Variants in SRPK2 observed in about 807,000 individuals in gnomAD.
SRPK2 encodes SFRS protein kinase 2.
SRPK2 carries 21 observed loss-of-function variants against 90.8 expected under a neutral mutation model. That is an observed-to-expected ratio of 0.23 (90% CI 0.16 to 0.33). SRPK2 has a LOEUF of 0.33. Ranked by LOEUF, SRPK2 falls within the 10% of genes least tolerant of loss-of-function variation. The probability of loss-of-function intolerance (pLI) is 1.00; values close to 1 mark genes in which losing one functional copy is unlikely to be tolerated. For missense variants in SRPK2, 620 were observed against 869.0 expected (o/e 0.71, Z 3.60); for synonymous variants, 288 against 311.1 (o/e 0.93, Z 0.78).
intron 2 of SRPK2, among the ~76,000 whole-genome samples, chr7:105,334,245 C>T (rs148561837): frequency 0.012 from 1,838 of 152,276 alleles, 27 homozygotes; most frequent in African/African-American, 0.04. Flanking sequence ...CCATGCCTCG[C>T]TAATGTTTGT....
At chr7:105,183,485 T>C (rs145812601) in intron 3 of SRPK2, among the ~76,000 whole-genome samples, 44 of 152,214 alleles carry the variant, frequency 2.9e-4, no homozygotes, top group Non-Finnish European at 5.6e-4. Flanking sequence ...GTTTGTTTGT[T>C]TGTCTATTTT....
chr7:105,297,638 T>G, intron 2 of SRPK2: 4 of 240,260 alleles, frequency 1.7e-5, no homozygotes, highest in Non-Finnish European at 2.7e-5. Flanking sequence ...GCAAGTTCTC[T>G]TCCCCAAACC....
intron 3 of SRPK2, among the ~76,000 whole-genome samples, chr7:105,183,278 C>T (rs772307738): frequency 1.3e-5 from 2 of 152,124 alleles, no homozygotes; most frequent in Non-Finnish European, 1.5e-5. Context: ...TAAGAGCTCA[C>T]AATGCAAAGT....
chr7:105,142,386 T>C lies in SRPK2; in HGVS notation c.1165A>G (p.Ile389Val), dbSNP rs760947241. The change falls in exon 11 of 16, where the codon ATA becomes GTA. Residue 389 changes from isoleucine (I) to valine (V), a missense_variant. Around this residue, in one of 8 missense-constraint regions of SRPK2, gnomAD observed 243 missense variants for 245.7 expected, o/e 0.99. Coordinates refer to ENST00000393651, the MANE Select transcript of SRPK2 (RefSeq NM_182692.3). ...QELANIDPTW[I>V]ESPKTNGHIE... ...TGGCCATTGGTTTTAGGTGATTCTA[T>C]CCACGTAGGGTCTATGTTCGCAAGT... The C allele has an allele frequency of 3.1e-6, 5 of 1,614,060 alleles. No individual in the cohort carries two copies. In the African/African-American group the frequency reaches 5.3e-5, roughly 17 times the overall value.
At chr7:105,181,505 C>T (rs1227473748) in intron 3 of SRPK2, among the ~76,000 whole-genome samples, 2 of 152,108 alleles carry the variant, frequency 1.3e-5, no homozygotes, top group African/African-American at 4.8e-5. Flanking sequence ...AACCGTGGTA[C>T]ACATATACCA....
chr7:105,206,074 G>A (rs1488049479), intron 2 of SRPK2: 3 of 509,358 alleles, frequency 5.9e-6, no homozygotes, highest in African/African-American at 3.9e-5. Flanking sequence ...CTGTGGGGCT[G>A]TCGTGTGCAC....
At chr7:105,136,327 G>A (rs1802803688) in intron 11 of SRPK2, among the ~76,000 whole-genome samples, 1 of 152,114 alleles carries the variant, frequency 6.6e-6, no homozygotes, top group Non-Finnish European at 1.5e-5. Context: ...ACATTCCCAA[G>A]AAGTCCACTG....
At chr7:105,339,455 A>G (rs757051603) in intron 2 of SRPK2, among the ~76,000 whole-genome samples, 1 of 152,190 alleles carries the variant, frequency 6.6e-6, no homozygotes, top group Non-Finnish European at 1.5e-5. Flanking sequence ...CAAGGAGCTC[A>G]CCTAATTGTC....
intron 2 of SRPK2, among the ~76,000 whole-genome samples, chr7:105,365,506 A>T (rs1459130194): frequency 1.0e-4 from 14 of 139,498 alleles, no homozygotes; most frequent in African/African-American, 3.7e-4. Context: ...AAAAAAAAAA[A>T]AAATTATATA....
chr7:105,170,790 A>AAGGAAGGAAGGACGGAC (rs1554435316), intron 3 of SRPK2, among the ~76,000 whole-genome samples: 2 of 70,378 alleles, frequency 2.8e-5, no homozygotes, highest in African/African-American at 1.4e-4. Flanking sequence ...GACGGGAGGG[A>AAGGAAGGAAGGACGGAC]GGGAGGGAGG....
intron 2 of SRPK2, among the ~76,000 whole-genome samples, chr7:105,384,676 C>A (rs966840969): frequency 2.0e-5 from 3 of 152,096 alleles, no homozygotes; most frequent in Non-Finnish European, 2.9e-5. Context: ...CTGATCCAAA[C>A]GAAGCTATTG....
At chr7:105,152,347 G>A (rs1264789934) in intron 7 of SRPK2, among the ~76,000 whole-genome samples, 3 of 151,806 alleles carry the variant, frequency 2.0e-5, no homozygotes, top group Non-Finnish European at 4.4e-5. Flanking sequence ...CGGGGTTTTC[G>A]CCATGTTGGC....
At chr7:105,306,554 C>G (rs1272705958) in intron 2 of SRPK2, 3 of 442,696 alleles carry the variant, frequency 6.8e-6, no homozygotes, top group Non-Finnish European at 1.3e-5. Context: ...ACCCTTGAAG[C>G]AGCAGGATGT....
intron 2 of SRPK2, among the ~76,000 whole-genome samples, chr7:105,219,567 T>C (rs1797858307): frequency 6.6e-6 from 1 of 152,266 alleles, no homozygotes; most frequent in Non-Finnish European, 1.5e-5. Context: ...CCCTGTTTAC[T>C]AAGTATGACG....
intron 2 of SRPK2, among the ~76,000 whole-genome samples, chr7:105,353,537 T>TTGC (rs1392086471): frequency 1.3e-5 from 2 of 151,062 alleles, no homozygotes; most frequent in African/African-American, 2.4e-5. Context: ...GTTGTTGTTG[T>TTGC]TGTTGTTTGG....
At chr7:105,186,700 T>C (rs1793623160) in intron 3 of SRPK2, among the ~76,000 whole-genome samples, 1 of 152,204 alleles carries the variant, frequency 6.6e-6, no homozygotes, top group Non-Finnish European at 1.5e-5. Flanking sequence ...GAGCGTCTGA[T>C]GTGCTTCTAA....
At chr7:105,122,046 A>T (rs1275880210) in intron 15 of SRPK2, among the ~76,000 whole-genome samples, 1 of 152,238 alleles carries the variant, frequency 6.6e-6, no homozygotes, top group Non-Finnish European at 1.5e-5. Flanking sequence ...ACAAAGCAAG[A>T]GACAATGAAG....
chr7:105,368,964 G>A (rs62484713), intron 2 of SRPK2, among the ~76,000 whole-genome samples: 1 of 151,050 alleles, frequency 6.6e-6, no homozygotes, highest in Non-Finnish European at 1.5e-5. Context: ...ATGGTTTAGG[G>A]CAATGGACTT....
upstream of SRPK2, among the ~76,000 whole-genome samples, chr7:105,390,692 A>G (rs1292840169): frequency 6.9e-6 from 1 of 144,410 alleles, no homozygotes; most frequent in Non-Finnish European, 1.5e-5. Context: ...ACCTCGGGTC[A>G]TCCACCCACC....
Sources: gnomAD v4.1 joint callset for allele counts (sites outside exome capture counted in the v4.1 genomes callset) on GRCh38, gnomAD v4.1.1 for gene constraint, gnomAD v4.1.1 regional missense constraint, MANE v1.5 for transcripts, NCBI Gene and HGNC (gene_info 2026-07-23, HGNC 2026-07-21) for gene names.